DOCK7: variants seen among roughly 807,000 people sequenced by gnomAD.
DOCK7 encodes the protein dedicator of cytokinesis 7, also known as dedicator of cytokinesis protein 7.
Under a neutral mutation model 271.0 loss-of-function variants are expected in DOCK7, and 138 were observed. The ratio of observed to expected loss-of-function variants is 0.51; its 90% CI spans 0.44 to 0.59. The LOEUF (loss-of-function observed/expected upper bound fraction) is 0.59, where lower values mean the gene tolerates loss of function less well. Among genes scored for constraint, DOCK7 ranks in the 20% least tolerant of loss-of-function variants. The pLI, the probability that DOCK7 is intolerant of heterozygous loss-of-function variation, is 0.00. For missense variants in DOCK7, 2,066 were observed against 2,592.4 expected, an observed-to-expected ratio of 0.80 and a Z score of 4.41; for synonymous variants, 823 against 876.1, an observed-to-expected ratio of 0.94 and a Z score of 1.07.
At chr1:62,653,694 T>C (rs1173294127) in intron 4 of DOCK7, 31 bp downstream of exon 4, 1 of 1,350,096 alleles carries the variant, frequency 7.4e-7, no homozygotes, top group Admixed American at 1.7e-5. Flanking sequence ...TACTCAATAT[T>C]TGTAAATGTT....
chr1:62,582,055 G>A (rs1331218564), intron 16 of DOCK7, among the ~76,000 whole-genome samples: 2 of 152,116 alleles, frequency 1.3e-5, no homozygotes, highest in Non-Finnish European at 2.9e-5. Context: ...CAGGGAGTAG[G>A]CCATCACTCC....
In DOCK7 at chr1:62,586,498, A is replaced by C; in HGVS notation, c.1800+9T>G. 6.4e-7 allele frequency: 1 copy of C among 1,567,084 alleles called. No homozygotes were observed. Among genetic ancestry groups the C allele is most frequent in the Non-Finnish European group, 8.7e-7 (1 of 1,149,812 alleles). ...CAAAAAATTAGAAAAGTAAAAGAACATTTCTTACCGGCATGGCATTGCTTG... is the reference window on the plus strand; with the variant it reads ...CAAAAAATTAGAAAAGTAAAAGAACCTTTCTTACCGGCATGGCATTGCTTG... On this transcript the variant is annotated intron_variant, in intron 15 of 49. Transcript: ENST00000635253.
chr1:62,473,251 C>A (rs1645879965), intron 48 of DOCK7, among the ~76,000 whole-genome samples: 2 of 151,988 alleles, frequency 1.3e-5, no homozygotes, highest in South Asian at 4.1e-4. Flanking sequence ...AATTAAGTGA[C>A]CTGGAAAAGC....
chr1:62,653,039 A>G (rs1286021323), intron 4 of DOCK7, among the ~76,000 whole-genome samples: 1 of 152,206 alleles, frequency 6.6e-6, no homozygotes, highest in Non-Finnish European at 1.5e-5. Flanking sequence ...ATTTGTGAAA[A>G]CTATAATGCC....
chr1:62,597,674 A>T (rs1319925385), intron 14 of DOCK7: 1 of 1,613,402 alleles, frequency 6.2e-7, no homozygotes, highest in Non-Finnish European at 8.5e-7. Flanking sequence ...CAAAATCAAG[A>T]TTTGCTATGT....
intron 14 of DOCK7, among the ~76,000 whole-genome samples, chr1:62,594,667 AGAAATCCCTATATGT>A (rs1380134064): frequency 3.3e-5 from 5 of 152,190 alleles, no homozygotes; most frequent in Non-Finnish European, 4.4e-5. Context: ...TTCTGCACTT[AGAAATCCCTATATGT>A]TGATTTTATC....
In DOCK7 at chr1:62,634,754, T is replaced by C. The variant is rs1358661182; in HGVS notation, c.1035+19A>G. 6.3e-7 allele frequency: 1 copy of C among 1,596,844 alleles called. No individual in the cohort carries two copies. The highest frequency in any genetic ancestry group is 8.6e-7 in the Non-Finnish European group (1 of 1,168,108). The stretch of plus-strand genomic sequence containing the variant: ...ACAGACACTACAAAATAAACAAATA[T>C]ATTTAACATTATTCTCACCTTTATT... On this transcript the variant is annotated intron_variant, in intron 9 of 49. Coordinates refer to ENST00000635253, the MANE Select transcript of DOCK7 (RefSeq NM_001367561.1).
chr1:62,539,245 C>T (rs1645447894), intron 27 of DOCK7, among the ~76,000 whole-genome samples: 1 of 152,132 alleles, frequency 6.6e-6, no homozygotes. Context: ...CTTGAGACTG[C>T]TTTACATTAC....
At chr1:62,587,829 A>G (rs985366936) in intron 14 of DOCK7, among the ~76,000 whole-genome samples, 2 of 152,136 alleles carry the variant, frequency 1.3e-5, no homozygotes, top group Admixed American at 6.6e-5. Context: ...GGGAAGGTAG[A>G]GAGACAGAGT....
intron 14 of DOCK7, among the ~76,000 whole-genome samples, chr1:62,587,517 G>C (rs956250099): frequency 1.3e-5 from 2 of 152,004 alleles, no homozygotes; most frequent in African/African-American, 4.8e-5. Context: ...AACCTAAGGA[G>C]AAAACTGTAC....
chr1:62,558,014 T>C (rs1036107748), intron 20 of DOCK7, among the ~76,000 whole-genome samples: 2 of 152,118 alleles, frequency 1.3e-5, no homozygotes, highest in African/African-American at 4.8e-5. Flanking sequence ...CTTGGTCATG[T>C]TACTTCTCTA....
intron 48 of DOCK7, among the ~76,000 whole-genome samples, chr1:62,466,941 A>C (rs147378251): frequency 0.011 from 1,653 of 152,204 alleles, 37 homozygotes; most frequent in African/African-American, 0.038. Flanking sequence ...AAAACAAAAA[A>C]AAACAAAAAA....
chr1:62,601,828 G>A (rs1291494430), intron 14 of DOCK7: 1 of 1,610,198 alleles, frequency 6.2e-7, no homozygotes, highest in East Asian at 2.2e-5. Context: ...TGGCATGTAT[G>A]CCATCAGACC....
At chr1:62,595,819 C>G (rs976813178) in intron 14 of DOCK7, among the ~76,000 whole-genome samples, 1 of 152,058 alleles carries the variant, frequency 6.6e-6, no homozygotes, top group Admixed American at 6.6e-5. Flanking sequence ...GTCTCAGCTA[C>G]TTGGGAGACA....
intron 13 of DOCK7, 88 bp downstream of exon 13, chr1:62,619,812 T>TAA (rs34571440): frequency 0.016 from 9,910 of 612,350 alleles, no homozygotes; most frequent in South Asian, 0.024. Context: ...GCCAGATAAA[T>TAA]AAAAAAAAAA....
At chr1:62,667,927 G>A (rs1309326118) in intron 1 of DOCK7, among the ~76,000 whole-genome samples, 2 of 152,120 alleles carry the variant, frequency 1.3e-5, no homozygotes, top group East Asian at 3.9e-4. Flanking sequence ...GACTGAGGCA[G>A]GGGAATTGCT....
chr1:62,519,965 T>C (rs1644797084), intron 31 of DOCK7, among the ~76,000 whole-genome samples: 1 of 152,182 alleles, frequency 6.6e-6, no homozygotes, highest in Admixed American at 6.5e-5. Context: ...TACAACCATC[T>C]GATCTTTGAC....
Position 62,648,427 on chromosome 1 carries a change from G to A in DOCK7, c.507C>T (p.Tyr169=), listed in dbSNP as rs917139521. 6.5e-7 allele frequency: 1 copy of A among 1,539,196 alleles called. No individual in the cohort carries two copies. The change falls in exon 5 of 50, where the codon TAC becomes TAT. Residue 169 remains tyrosine (Y), a synonymous_variant. Transcript: ENST00000635253. ...ATAAAAGTATTACTTGATCATCCTG[G>A]TAGCTGTTGCCATCTGGAGCTTCAT... is the stretch of plus-strand genomic sequence containing the variant. ...ESDEAPDGNS[Y]QDDQDDLKRR...
rs922216112 is a variant in DOCK7 at position 62,539,876 on chromosome 1, T to C, written c.3062A>G (p.His1021Arg). The change falls in exon 26 of 50, where the codon CAC becomes CGC. Residue 1021 changes from histidine (H) to arginine (R), a missense_variant. His to Arg is a conservative substitution (Grantham distance 29, BLOSUM62 0). Around this residue, in one of 2 missense-constraint regions of DOCK7, gnomAD observed 1,414 missense variants for 1,670.4 expected, o/e 0.85. Transcript: ENST00000635253. ...AAGTTTATCATTAAAGTATAAATGG[T>C]GCACCATGCTCTTTACCTGAAAAAA... is the stretch of plus-strand genomic sequence containing the variant. ...FFELMVKSMV[H>R]HLYFNDKLEA... 6.2e-7 allele frequency: 1 copy of C among 1,605,980 alleles called. No homozygotes were observed. Among genetic ancestry groups the C allele is most frequent in the Non-Finnish European group, 8.5e-7 (1 of 1,177,052 alleles).
Sources: gnomAD v4.1 joint callset for allele counts (sites outside exome capture counted in the v4.1 genomes callset) on GRCh38, gnomAD v4.1.1 for gene constraint, gnomAD v4.1.1 regional missense constraint, MANE v1.5 for transcripts, NCBI Gene and HGNC (gene_info 2026-07-23, HGNC 2026-07-21) for gene names.